RAPGEF2: variants seen among roughly 807,000 people sequenced by gnomAD.
RAPGEF2 encodes the protein PDZ domain containing guanine nucleotide exchange factor (GEF) 1.
In RAPGEF2, 54 loss-of-function variants were observed where a neutral mutation model predicts 186.7. The ratio of observed to expected loss-of-function variants is 0.29; its 90% CI spans 0.23 to 0.36. RAPGEF2 has a LOEUF of 0.36. Ranked by LOEUF, RAPGEF2 falls within the 10% of genes least tolerant of loss-of-function variation. RAPGEF2 has a pLI of 1.00. For missense variants in RAPGEF2, 1,532 were observed against 2,045.0 expected, an observed-to-expected ratio of 0.75 and a Z score of 4.84; for synonymous variants, 712 against 705.9, an observed-to-expected ratio of 1.01 and a Z score of -0.14.
At chr4:159,261,219 A>C (rs1014827737) in intron 7 of RAPGEF2, among the ~76,000 whole-genome samples, 2 of 151,708 alleles carry the variant, frequency 1.3e-5, no homozygotes, top group South Asian at 2.1e-4. Flanking sequence ...TGCCACCAAG[A>C]CTGGCTAATT....
At chr4:159,108,896 T>G (rs1461793674) in intron 1 of RAPGEF2, among the ~76,000 whole-genome samples, 2 of 152,104 alleles carry the variant, frequency 1.3e-5, no homozygotes, top group African/African-American at 4.8e-5. Context: ...TAAAAAATTT[T>G]TTGTAGAGAT....
At chr4:159,130,972 C>T (rs1740987618) in intron 1 of RAPGEF2, among the ~76,000 whole-genome samples, 1 of 152,174 alleles carries the variant, frequency 6.6e-6, no homozygotes, top group South Asian at 2.1e-4. Flanking sequence ...GCTGGGATTA[C>T]AGGCGCAGCC....
intron 7 of RAPGEF2, among the ~76,000 whole-genome samples, chr4:159,244,324 T>C (rs1392059199): frequency 6.6e-6 from 1 of 151,938 alleles, no homozygotes; most frequent in East Asian, 1.9e-4. Flanking sequence ...AAATCTCTTG[T>C]ATTTTCTTAT....
chr4:159,172,370 C>T (rs775591645), intron 1 of RAPGEF2, among the ~76,000 whole-genome samples: 3 of 152,160 alleles, frequency 2.0e-5, no homozygotes, highest in Non-Finnish European at 4.4e-5. Flanking sequence ...AGTTGGGAAC[C>T]GTTCTCCTAC....
chr4:159,354,163 T>A, intron 28 of RAPGEF2, 117 bp downstream of exon 28: 1 of 1,130,958 alleles, frequency 8.8e-7, no homozygotes, highest in Non-Finnish European at 1.2e-6. Context: ...CATTGCTATG[T>A]AGGACTTCCA....
At chr4:159,206,052 C>T (rs1391151906) in intron 3 of RAPGEF2, among the ~76,000 whole-genome samples, 1 of 152,188 alleles carries the variant, frequency 6.6e-6, no homozygotes, top group East Asian at 1.9e-4. Context: ...GCCTCAGCCT[C>T]CCGAGTAGCT....
chr4:159,289,436 G>A (rs1196841799), intron 7 of RAPGEF2, among the ~76,000 whole-genome samples: 1 of 152,116 alleles, frequency 6.6e-6, no homozygotes, highest in Non-Finnish European at 1.5e-5. Flanking sequence ...TTGTGTTTTA[G>A]TTTTATTCTG....
At chr4:159,277,460 C>T (rs894927893) in intron 7 of RAPGEF2, among the ~76,000 whole-genome samples, 1 of 152,176 alleles carries the variant, frequency 6.6e-6, no homozygotes, top group East Asian at 1.9e-4. Context: ...ATTGCTGGCT[C>T]AAATGGTATT....
At chr4:159,241,399 A>G (rs1397255654) in intron 6 of RAPGEF2, 31 bp downstream of exon 6, 5 of 1,271,320 alleles carry the variant, frequency 3.9e-6, no homozygotes, top group Non-Finnish European at 5.0e-6. Flanking sequence ...ATTTTTATTT[A>G]TTTCTAGTTT....
chr4:159,214,106 A>T (rs1268432581), intron 4 of RAPGEF2, among the ~76,000 whole-genome samples: 1 of 152,236 alleles, frequency 6.6e-6, no homozygotes, highest in Admixed American at 6.5e-5. Context: ...TTGCTATCAA[A>T]GGTAATTTAA....
intron 3 of RAPGEF2, among the ~76,000 whole-genome samples, chr4:159,197,556 C>T (rs1748781580): frequency 6.6e-6 from 1 of 152,224 alleles, no homozygotes; most frequent in South Asian, 2.1e-4. Flanking sequence ...GTTTCTCTCT[C>T]TCTATTCCAG....
intron 7 of RAPGEF2, chr4:159,282,700 A>T (rs1759888634): frequency 4.6e-6 from 2 of 438,496 alleles, no homozygotes. Context: ...TTAAGAAATG[A>T]TCAAGGTAGA....
intron 10 of RAPGEF2, 90 bp downstream of exon 10, chr4:159,322,573 T>C (rs1430497998): frequency 4.6e-6 from 5 of 1,079,272 alleles, no homozygotes; most frequent in Non-Finnish European, 6.8e-6. Context: ...TACTTTTTCC[T>C]TTTTAATACC....
At chr4:159,349,485 G>A (rs1289730945) in intron 25 of RAPGEF2, among the ~76,000 whole-genome samples, 2 of 129,836 alleles carry the variant, frequency 1.5e-5, no homozygotes, top group African/African-American at 2.5e-5. Flanking sequence ...GTTGGATCCT[G>A]CACGTGGTGC....
rs567075803 is a variant in RAPGEF2, at chr4:159,186,123, T to C, written c.70-519T>C. On this transcript the variant is annotated intron_variant, in intron 1 of 29. Coordinates refer to ENST00000691494, the MANE Select transcript of RAPGEF2 (RefSeq NM_001394067.2). ...TGATCTGGTAAAACAAGGCACGTTT[T>C]CTTTTTTAAAAGAAAATATTTAAAC... is the stretch of plus-strand genomic sequence containing the variant. Among the ~76,000 whole-genome samples, 332 of 152,116 alleles carry C rather than the reference T, an allele frequency of 2.2e-3. 2 individuals are homozygous for C. The highest frequency in any genetic ancestry group is 7.4e-3 in the African/African-American group (308 of 41,582).
At chr4:159,158,758 C>T (rs1174371935) in intron 1 of RAPGEF2, among the ~76,000 whole-genome samples, 4 of 152,200 alleles carry the variant, frequency 2.6e-5, no homozygotes, top group African/African-American at 9.7e-5. Context: ...ATTGAATCAA[C>T]TGAGAAGGGT....
rs1046458504 is a variant in RAPGEF2, at chr4:159,104,035, C to T, written c.-128C>T. ...CCCGCGGGCCCCGCGCCGCCGCCGC[C>T]GCGGTTTGGCTGATTAGTCGCGGGC... On this transcript the variant is annotated 5_prime_UTR_variant, in exon 1 of 30. Transcript: ENST00000691494. 2 of 338,200 alleles carry T rather than the reference C, an allele frequency of 5.9e-6. No homozygotes were observed. The highest frequency in any genetic ancestry group is 1.5e-4 in the East Asian group (1 of 6,688). 20.9% of individuals were successfully genotyped at this position (338,200 alleles called of 1,614,324 possible). A position where few individuals can be genotyped will look rare whatever the true frequency, so the allele number is the denominator to read the frequency against.
chr4:159,316,762 G>T (rs1764658468), intron 9 of RAPGEF2, among the ~76,000 whole-genome samples: 2 of 152,116 alleles, frequency 1.3e-5, no homozygotes, highest in Admixed American at 6.6e-5. Flanking sequence ...GTTATGAATT[G>T]TGCTGCAATG....
chr4:159,256,538 A>G (rs909446263), intron 7 of RAPGEF2, among the ~76,000 whole-genome samples: 3 of 152,060 alleles, frequency 2.0e-5, no homozygotes, highest in Non-Finnish European at 4.4e-5. Flanking sequence ...TAATAGGATG[A>G]TTTCTATTCT....
Sources: gnomAD v4.1 joint callset for allele counts (sites outside exome capture counted in the v4.1 genomes callset) on GRCh38, gnomAD v4.1.1 for gene constraint, MANE v1.5 for transcripts, NCBI Gene and HGNC (gene_info 2026-07-23, HGNC 2026-07-21) for gene names.